The following ATL2 variants were observed in gnomAD, a reference collection of about 807,000 sequenced individuals.
ATL2 encodes the protein atlastin GTPase 2.
In ATL2, 31 loss-of-function variants were observed where a neutral mutation model predicts 73.9. The ratio of observed to expected loss-of-function variants is 0.42; its 90% CI spans 0.32 to 0.57. The LOEUF (loss-of-function observed/expected upper bound fraction) is 0.57, where lower values mean the gene tolerates loss of function less well. Among genes scored for constraint, ATL2 ranks in the 20% least tolerant of loss-of-function variants. The pLI is 0.14. For synonymous variants in ATL2, 291 were observed against 237.5 expected, an observed-to-expected ratio of 1.23 and a Z score of -2.07; for missense variants, 738 against 702.6, an observed-to-expected ratio of 1.05 and a Z score of -0.57.
intron 12 of ATL2, chr2:38,296,718 AG>A (rs1666915347): frequency 6.4e-7 from 1 of 1,551,950 alleles, no homozygotes; most frequent in East Asian, 2.4e-5. Flanking sequence ...AAAAGAAAAG[AG>A]AAATGCAAAG....
chr2:38,349,707 C>G (rs566965393), intron 1 of ATL2, among the ~76,000 whole-genome samples: 1 of 151,804 alleles, frequency 6.6e-6, no homozygotes, highest in South Asian at 2.1e-4. Flanking sequence ...AAAAAAAACC[C>G]CACTGGGCAG....
upstream of ATL2, chr2:38,377,284 C>A: frequency 6.5e-7 from 1 of 1,527,100 alleles, no homozygotes; most frequent in African/African-American, 1.4e-5. Context: ...AAAATTAACT[C>A]CCCACTGACG....
intron 8 of ATL2, among the ~76,000 whole-genome samples, chr2:38,309,984 C>G (rs1667659450): frequency 6.6e-6 from 1 of 152,182 alleles, no homozygotes; most frequent in Non-Finnish European, 1.5e-5. Flanking sequence ...ACACTTATAT[C>G]TGATTTCATC....
At chr2:38,334,917 T>TATATAA (rs1669255575) in intron 2 of ATL2, among the ~76,000 whole-genome samples, 1 of 133,692 alleles carries the variant, frequency 7.5e-6, no homozygotes, top group Non-Finnish European at 1.5e-5. Context: ...AATATATAAA[T>TATATAA]ATATTTATAT....
chr2:38,324,527 T>C (rs1451764281), intron 2 of ATL2, among the ~76,000 whole-genome samples: 1 of 152,220 alleles, frequency 6.6e-6, no homozygotes, highest in Non-Finnish European at 1.5e-5. Context: ...GAACAAATTA[T>C]AAAACATTTA....
intron 1 of ATL2, among the ~76,000 whole-genome samples, chr2:38,349,017 G>A (rs1670186176): frequency 6.6e-6 from 1 of 151,562 alleles, no homozygotes; most frequent in South Asian, 2.1e-4. Flanking sequence ...AAAAAGTCAG[G>A]AAACAACAGG....
At chr2:38,333,694 G>A (rs1397401676) in intron 2 of ATL2, among the ~76,000 whole-genome samples, 1 of 152,158 alleles carries the variant, frequency 6.6e-6, no homozygotes, top group African/African-American at 2.4e-5. Flanking sequence ...CTGCAAAAGA[G>A]GCAATACATA....
At position 38,298,452 on chromosome 2, in the gene ATL2, G is replaced by A. The variant is rs752466538; in HGVS notation, c.1324C>T (p.Arg442Cys). Residue 442 changes from arginine (R) to cysteine (C), a missense_variant, in exon 12 of 13, where the codon CGT becomes TGT. Transcript: ENST00000378954. ...VKKMGGDEFC[R>C]RYQDQLEAEI... is the part of the protein sequence containing the mutation. ...GCTTCAAGCTGGTCCTGATAACGAC[G>A]GCAGAACTCATCTCCACCCATCTTT... 18 of 1,614,008 alleles carry A rather than the reference G, an allele frequency of 1.1e-5. No homozygotes were observed. The highest frequency in any genetic ancestry group is 4.0e-5 in the African/African-American group (3 of 74,912).
chr2:38,352,710 A>G (rs1670428234), intron 1 of ATL2, among the ~76,000 whole-genome samples: 1 of 152,228 alleles, frequency 6.6e-6, no homozygotes. Context: ...CAGAGTGGAA[A>G]GAAACATCTA....
At chr2:38,356,453 A>G (rs939755021) in intron 1 of ATL2, among the ~76,000 whole-genome samples, 3 of 151,990 alleles carry the variant, frequency 2.0e-5, no homozygotes, top group Non-Finnish European at 4.4e-5. Flanking sequence ...TCAGCCTCCC[A>G]AAGTGCTGGG....
rs568117197 is a variant in ATL2, at chr2:38,340,246, G to C, written c.363+3022C>G. On this transcript the variant is annotated intron_variant, in intron 2 of 12. Transcript: ENST00000378954. The stretch of plus-strand genomic sequence containing the variant: ...GTTGTTCTGTATTTTCATCTGGATG[G>C]TGGTAGTAAGGGTGTATACCTATGT... Among the ~76,000 whole-genome samples, 15 of 150,500 alleles carry C rather than the reference G, an allele frequency of 1.0e-4. No homozygotes were observed. The East Asian group carries it at 2.4e-3, about 24-fold the overall frequency.
At chr2:38,371,122 T>C (rs866725466) in intron 1 of ATL2, among the ~76,000 whole-genome samples, 7 of 152,092 alleles carry the variant, frequency 4.6e-5, no homozygotes, top group Non-Finnish European at 7.3e-5. Context: ...CCATGCCAAC[T>C]TTCCTCCTTT....
At chr2:38,347,452 C>G (rs1446147180) in intron 1 of ATL2, among the ~76,000 whole-genome samples, 1 of 152,186 alleles carries the variant, frequency 6.6e-6, no homozygotes, top group Non-Finnish European at 1.5e-5. Flanking sequence ...AATGTTATCT[C>G]CTCAGCATGG....
intron 1 of ATL2, 113 bp downstream of exon 1, chr2:38,377,030 C>T: frequency 2.1e-6 from 2 of 947,440 alleles, no homozygotes; most frequent in East Asian, 3.1e-5. Flanking sequence ...CGGGAGGAGA[C>T]CTGAACCAGC....
chr2:38,305,254 C>T (rs945039877), intron 9 of ATL2, among the ~76,000 whole-genome samples: 8 of 152,160 alleles, frequency 5.3e-5, no homozygotes, highest in African/African-American at 1.7e-4. Context: ...GAGGACCGGG[C>T]GCAGTGGCTC....
rs1382170832 is a variant in ATL2 at position 38,360,660 on chromosome 2, C to A, written c.118+16483G>T. On this transcript the variant is annotated intron_variant, in intron 1 of 12. Coordinates refer to ENST00000378954, the MANE Select transcript of ATL2 (RefSeq NM_001135673.4). ...CTGCAAGTCTCTTCATTTTCTTCTACAGAGAAGTCTTGAAGAAAATCTCAC... is the reference window on the plus strand; with the variant it reads ...CTGCAAGTCTCTTCATTTTCTTCTAAAGAGAAGTCTTGAAGAAAATCTCAC... 4.6e-5 allele frequency among the ~76,000 whole-genome samples: 7 copies of A among 152,092 alleles called. No individual in the cohort carries two copies. In the South Asian group the frequency reaches 6.2e-4, roughly 14 times the overall value.
In ATL2 at chr2:38,362,766, C is replaced by A. The variant is rs531141256; in HGVS notation, c.118+14377G>T. 2.6e-5 allele frequency among the ~76,000 whole-genome samples: 4 copies of A among 152,252 alleles called. No homozygotes were observed. The South Asian group carries it at 8.3e-4, about 32-fold the overall frequency. ...AGGAGTTTACATCCTAAAGACAGAG[C>A]AATAGAAAACATATGTGTGATGTCA... On this transcript the variant is annotated intron_variant, in intron 1 of 12. Transcript: ENST00000378954.
chr2:38,358,624 G>A (rs573400444), intron 1 of ATL2: 143 of 239,022 alleles, frequency 6.0e-4, no homozygotes, highest in African/African-American at 3.2e-3. Context: ...CCCAAGAGGC[G>A]GAGCTTGCAG....
chr2:38,377,528 CG>C (rs1186389580), upstream of ATL2, among the ~76,000 whole-genome samples: 2 of 151,472 alleles, frequency 1.3e-5, no homozygotes, highest in African/African-American at 4.9e-5. Flanking sequence ...TGGACTGGGG[CG>C]GGGGTGTCCC....
Sources: gnomAD v4.1 joint callset for allele counts (sites outside exome capture counted in the v4.1 genomes callset) on GRCh38, gnomAD v4.1.1 for gene constraint, MANE v1.5 for transcripts, NCBI Gene and HGNC (gene_info 2026-07-23, HGNC 2026-07-21) for gene names.